Variants in TG observed in about 807,000 individuals in gnomAD.
The protein encoded by TG is thyroglobulin.
TG carries 270 observed loss-of-function variants against 324.7 expected under a neutral mutation model. The ratio of observed to expected loss-of-function variants is 0.83; its 90% CI spans 0.75 to 0.92. The LOEUF (loss-of-function observed/expected upper bound fraction) is 0.92. Ranked by LOEUF, TG falls within the 40% of genes least tolerant of loss-of-function variation. TG has a pLI of 0.00. For missense variants in TG, 3,591 were observed against 3,456.4 expected, an observed-to-expected ratio of 1.04 and a Z score of -0.98; for synonymous variants, 1,401 against 1,327.0, an observed-to-expected ratio of 1.06 and a Z score of -1.21.
At chr8:133,102,481 C>A in intron 43 of TG, 1 of 1,382,422 alleles carries the variant, frequency 7.2e-7, no homozygotes, top group Admixed American at 2.0e-5. Context: ...TGAAGACCCT[C>A]CCCCACATAC....
At position 133,003,039 on chromosome 8, in the gene TG, A is replaced by G. The variant is rs1253397219; in HGVS notation, c.6263-8862A>G. ...GTTTTCCAAAAGGCTTGGAGAACAT[A>G]CCAGGTACCTCTCCTCTTTCCCTTT... On this transcript the variant is annotated intron_variant, in intron 35 of 47. Transcript: ENST00000220616. The G allele has an allele frequency of 2.8e-6, 3 of 1,059,904 alleles. No individual in the cohort carries two copies. In the African/African-American group the frequency reaches 5.1e-5, roughly 18 times the overall value. 65.7% of individuals were successfully genotyped at this position (1,059,904 alleles called of 1,614,324 possible).
intron 27 of TG, 56 bp downstream of exon 27, chr8:132,948,999 G>A (rs1459966777): frequency 1.2e-5 from 19 of 1,525,290 alleles, no homozygotes; most frequent in Non-Finnish European, 1.7e-5. Flanking sequence ...CACGAGCAAG[G>A]CCCTCTGCTA....
chr8:132,941,112 G>A (rs935636380), intron 25 of TG, among the ~76,000 whole-genome samples: 1 of 152,172 alleles, frequency 6.6e-6, no homozygotes, highest in Non-Finnish European at 1.5e-5. Context: ...CCTTGAAGAC[G>A]TGTTGGGCAT....
chr8:133,108,311 G>A (rs1025438819), intron 43 of TG, among the ~76,000 whole-genome samples: 4 of 151,998 alleles, frequency 2.6e-5, no homozygotes, highest in Admixed American at 6.5e-5. Context: ...TATCTAGCAG[G>A]GGTTTGGAAA....
rs757594130 is a variant in TG, at chr8:132,948,861, T to C, written c.5319T>C (p.Ala1773=). 2.5e-6 allele frequency: 4 copies of C among 1,614,192 alleles called. No individual in the cohort carries two copies. The South Asian group carries it at 4.4e-5, about 18-fold the overall frequency. ...KDWMDPSEAW[A]NATCPGVTYD... ...GGATGGATCCCTCTGAAGCCTGGGC[T>C]AATGCTACATGTCCTGGTGTGACAT... Residue 1773 remains alanine (A), a synonymous_variant, in exon 27 of 48, where the codon GCT becomes GCC. Coordinates refer to ENST00000220616, the MANE Select transcript of TG (RefSeq NM_003235.5).
In TG at chr8:132,969,475, G is replaced by A; in HGVS notation, c.5881G>A (p.Val1961Met). The A allele has an allele frequency of 6.2e-7, 1 of 1,613,224 alleles. No homozygotes were observed. Among genetic ancestry groups the A allele is most frequent in the East Asian group, 2.2e-5 (1 of 44,858 alleles). The change falls in exon 32 of 48, where the codon GTG becomes ATG. Residue 1961 changes from valine to methionine, a missense_variant. Val to Met is a conservative substitution (Grantham distance 21). Transcript: ENST00000220616. Reference sequence around the variant, plus strand: ...CTATGAAGTTATACTGGAAGATAAAGTGAAGAACTTTTACACTCGCCTGCC... The same window carrying A: ...CTATGAAGTTATACTGGAAGATAAAATGAAGAACTTTTACACTCGCCTGCC... ...FRKKVILEDK[V>M]KNFYTRLPFQ...
chr8:132,957,492 A>G (rs901896552), intron 27 of TG, among the ~76,000 whole-genome samples: 5 of 152,112 alleles, frequency 3.3e-5, no homozygotes, highest in Admixed American at 2.0e-4. Flanking sequence ...GGTGAAAAGC[A>G]TCTATAATTT....
At chr8:133,107,138 AC>A (rs1202596519) in intron 43 of TG, among the ~76,000 whole-genome samples, 4 of 152,186 alleles carry the variant, frequency 2.6e-5, no homozygotes, top group Non-Finnish European at 5.9e-5. Context: ...CATTTTATTG[AC>A]CTGAAATGAA....
At chr8:133,072,223 G>C (rs866948169) in intron 41 of TG, among the ~76,000 whole-genome samples, 3 of 152,216 alleles carry the variant, frequency 2.0e-5, no homozygotes, top group Non-Finnish European at 4.4e-5. Context: ...GACAACAAAA[G>C]AGAACCACTG....
At position 132,882,633 on chromosome 8, in the gene TG, A is replaced by T. The variant is rs541452565; in HGVS notation, c.889+21A>T. On this transcript the variant is annotated intron_variant, in intron 7 of 47. Coordinates refer to ENST00000220616, the MANE Select transcript of TG (RefSeq NM_003235.5). Reference sequence around the variant, plus strand: ...CCGATGTAAGTAATAAACTGCCAACAATGTGCGTGTTTCCATTAGGGGGAC... The same window carrying T: ...CCGATGTAAGTAATAAACTGCCAACTATGTGCGTGTTTCCATTAGGGGGAC... 38 of 1,614,236 alleles carry T rather than the reference A, an allele frequency of 2.4e-5. 1 individual carries two copies. The South Asian group carries it at 4.0e-4, about 17-fold the overall frequency.
chr8:133,020,141 A>G (rs576204771), intron 39 of TG, among the ~76,000 whole-genome samples: 2 of 152,320 alleles, frequency 1.3e-5, no homozygotes, highest in African/African-American at 4.8e-5. Context: ...TGAGTTACAT[A>G]AGGATATTCA....
chr8:133,072,084 C>T (rs1430801728), intron 41 of TG, among the ~76,000 whole-genome samples: 2 of 152,174 alleles, frequency 1.3e-5, no homozygotes, highest in Non-Finnish European at 2.9e-5. Flanking sequence ...TCACTTTCTT[C>T]GGAAGCTCTT....
chr8:132,889,869 C>T (rs1196518946), intron 10 of TG, among the ~76,000 whole-genome samples: 2 of 152,152 alleles, frequency 1.3e-5, no homozygotes, highest in African/African-American at 4.8e-5. Context: ...CTCCGCCTCC[C>T]AAGTTCAAGT....
At chr8:132,934,880 A>C (rs1027041201) in intron 24 of TG, among the ~76,000 whole-genome samples, 1 of 152,138 alleles carries the variant, frequency 6.6e-6, no homozygotes, top group African/African-American at 2.4e-5. Context: ...AGATCTCTGG[A>C]AGTCTGACCT....
rs1839101070 is a variant in TG at position 133,045,229 on chromosome 8, C to T, written c.7239+15206C>T. On this transcript the variant is annotated intron_variant, in intron 41 of 47. Coordinates refer to ENST00000220616, the MANE Select transcript of TG (RefSeq NM_003235.5). ...AGACCTGCCCACCCTTGGGATACAA[C>T]AGTGATGCTAGGATGCAGCCCCTCC... 2.2e-5 allele frequency: 24 copies of T among 1,076,794 alleles called. No homozygotes were observed. In the South Asian group the frequency reaches 3.2e-4, roughly 14 times the overall value. The allele number at this position is 1,076,794 out of a possible 1,614,324, so 66.7% of individuals were successfully genotyped here.
chr8:133,012,131 G>A (rs1430688683), intron 36 of TG, 96 bp downstream of exon 36: 39 of 1,537,322 alleles, frequency 2.5e-5, no homozygotes, highest in South Asian at 7.9e-5. Context: ...GAGACACTAC[G>A]ATAACCTAGG....
chr8:132,973,642 G>A (rs755853643), intron 34 of TG, among the ~76,000 whole-genome samples: 11 of 152,258 alleles, frequency 7.2e-5, no homozygotes, highest in South Asian at 2.1e-4. Flanking sequence ...TTCTGTCACC[G>A]CTTACATCAC....
intron 10 of TG, among the ~76,000 whole-genome samples, chr8:132,891,762 A>G (rs1377306780): frequency 6.6e-6 from 1 of 152,246 alleles, no homozygotes; most frequent in Non-Finnish European, 1.5e-5. Context: ...CCCTGGGATT[A>G]ATAGAATAAA....
chr8:132,901,382 G>C lies in TG; in HGVS notation c.3463G>C (p.Gly1155Arg). 6.2e-7 allele frequency: 1 copy of C among 1,614,184 alleles called. No individual in the cohort carries two copies. The highest frequency in any genetic ancestry group is 8.5e-7 in the Non-Finnish European group (1 of 1,180,044). ...CPSLCNVLKS[G>R]VLSRRVSPGY... Reference sequence around the variant, plus strand: ...AAGCCTCTGCAATGTGCTCAAGAGTGGAGTCCTCTCCAGGAGAGTCAGCCC... The same window carrying C: ...AAGCCTCTGCAATGTGCTCAAGAGTCGAGTCCTCTCCAGGAGAGTCAGCCC... Residue 1155 changes from glycine to arginine, a missense_variant, in exon 16 of 48, where the codon GGA (glycine) becomes CGA (arginine). Gly to Arg is a moderately radical substitution (Grantham distance 125). Coordinates refer to ENST00000220616, the MANE Select transcript of TG (RefSeq NM_003235.5).
Sources: allele counts gnomAD v4.1 joint callset (sites outside exome capture counted in the v4.1 genomes callset), GRCh38; gene constraint gnomAD v4.1.1; transcripts MANE v1.5; gene names NCBI Gene and HGNC (gene_info 2026-07-23, HGNC 2026-07-21).